Variants in FARP1 observed in about 807,000 individuals in gnomAD.
FARP1 encodes the protein FERM, ARHGEF and pleckstrin domain-containing protein 1.
In FARP1, 52 loss-of-function variants were observed where a neutral mutation model predicts 128.8. The observed-to-expected ratio is 0.40, with a 90% CI of 0.32 to 0.51. FARP1 has a LOEUF of 0.51. Among genes scored for constraint, FARP1 ranks in the 20% least tolerant of loss-of-function variants. FARP1 has a pLI of 0.45. For synonymous variants in FARP1, 580 were observed against 551.8 expected (o/e 1.05, Z -0.72); for missense variants, 1,333 against 1,367.9 (o/e 0.97, Z 0.40).
chr13:98,424,771 C>A, intron 17 of FARP1, 121 bp downstream of exon 17: 1 of 716,982 alleles, frequency 1.4e-6, no homozygotes, highest in Non-Finnish European at 2.5e-6. Flanking sequence ...CTCTCTACAC[C>A]AAGCTTGTCC....
intron 5 of FARP1, among the ~76,000 whole-genome samples, chr13:98,372,328 G>T (rs1351942489): frequency 6.6e-6 from 1 of 152,190 alleles, no homozygotes; most frequent in Admixed American, 6.5e-5. Context: ...CTCATGATCT[G>T]CCTGTCTTGG....
chr13:98,452,053 A>C lies in FARP1; in HGVS notation c.*3736A>C, dbSNP rs114541728. On this transcript the variant is annotated 3_prime_UTR_variant, in exon 27 of 27. Transcript: ENST00000319562. The stretch of plus-strand genomic sequence containing the variant: ...TGGGGACTTCTCCCTGGAGTCTTCC[A>C]AAGTGTCTCATCACACACACACAGC... The C allele has an allele frequency of 5.1e-4, 77 of 152,388 alleles. No individual in the cohort carries two copies. Among genetic ancestry groups the C allele is most frequent in the African/African-American group, 1.8e-3 (74 of 41,584 alleles). 9.4% of individuals were successfully genotyped at this position (152,388 alleles called of 1,614,324 possible). A position where few individuals can be genotyped will look rare whatever the true frequency, so the allele number is the denominator to read the frequency against.
chr13:98,420,764 G>A (rs1376475660), intron 16 of FARP1, among the ~76,000 whole-genome samples: 2 of 152,232 alleles, frequency 1.3e-5, no homozygotes, highest in African/African-American at 4.8e-5. Flanking sequence ...AACATCCAGA[G>A]GACGTGGTGG....
intron 19 of FARP1, among the ~76,000 whole-genome samples, chr13:98,438,251 T>C (rs550623303): frequency 2.0e-5 from 3 of 152,200 alleles, no homozygotes; most frequent in African/African-American, 7.2e-5. Context: ...TACTGCTCAT[T>C]GAGAAGCAGG....
chr13:98,337,900 A>G (rs919011599), intron 2 of FARP1, among the ~76,000 whole-genome samples: 4 of 152,176 alleles, frequency 2.6e-5, no homozygotes, highest in African/African-American at 7.2e-5. Flanking sequence ...AATATTAGCA[A>G]TTATTTAGTG....
intron 2 of FARP1, among the ~76,000 whole-genome samples, chr13:98,220,229 T>A (rs1881336690): frequency 6.6e-6 from 1 of 152,088 alleles, no homozygotes; most frequent in Admixed American, 6.6e-5. Flanking sequence ...AGGAAGGTGT[T>A]TAGATCCCAG....
Position 98,448,424 on chromosome 13 carries a change from CAT to C in FARP1, c.*108_*109del. ...TTAACACCTGTCTGAAAATCAAAAA[CAT>C]GGCTTCCCAGCAGCTCTCCTGTCTC... is the stretch of plus-strand genomic sequence containing the variant. On this transcript the variant is annotated 3_prime_UTR_variant, in exon 27 of 27. Coordinates refer to ENST00000319562, the MANE Select transcript of FARP1 (RefSeq NM_005766.4). 1 of 915,412 alleles carries C rather than the reference CAT, an allele frequency of 1.1e-6. No homozygotes were observed. Among genetic ancestry groups the C allele is most frequent in the South Asian group, 1.4e-5 (1 of 69,292 alleles). 56.7% of individuals were successfully genotyped at this position (915,412 alleles called of 1,614,324 possible). A position where few individuals can be genotyped will look rare whatever the true frequency, so the allele number is the denominator to read the frequency against.
At chr13:98,181,292 C>T (rs1430454303) in intron 1 of FARP1, among the ~76,000 whole-genome samples, 3 of 152,082 alleles carry the variant, frequency 2.0e-5, no homozygotes, top group Non-Finnish European at 4.4e-5. Context: ...TACATCCTGG[C>T]GCTGTGACCG....
chr13:98,286,479 C>T (rs1346388586), intron 2 of FARP1, among the ~76,000 whole-genome samples: 10 of 152,150 alleles, frequency 6.6e-5, no homozygotes, highest in Admixed American at 1.3e-4. Flanking sequence ...AAGTCTCACA[C>T]GTTCTGATGG....
intron 2 of FARP1, among the ~76,000 whole-genome samples, chr13:98,256,948 G>GAGATAT (rs1555331690): frequency 1.3e-5 from 1 of 77,096 alleles, no homozygotes; most frequent in East Asian, 4.2e-4. Flanking sequence ...TATATATGTG[G>GAGATAT]ATATATATAT....
At position 98,453,323 on chromosome 13, in the gene FARP1, A is replaced by G. The variant is rs1271826670; in HGVS notation, c.*5006A>G. On this transcript the variant is annotated 3_prime_UTR_variant, in exon 27 of 27. Coordinates refer to ENST00000319562, the MANE Select transcript of FARP1 (RefSeq NM_005766.4). The stretch of plus-strand genomic sequence containing the variant: ...ATAAGAAATTCCAAGTCATACAAAA[A>G]TAAGTGGAGCAAATATCAATGTGTA... 1 of 1,060,536 alleles carries G rather than the reference A, an allele frequency of 9.4e-7. No individual in the cohort carries two copies. Among genetic ancestry groups the G allele is most frequent in the South Asian group, 1.4e-5 (1 of 70,548 alleles). The allele number at this position is 1,060,536 out of a possible 1,614,324, so 65.7% of individuals were successfully genotyped here. A position where few individuals can be genotyped will look rare whatever the true frequency, so the allele number is the denominator to read the frequency against.
intron 3 of FARP1, among the ~76,000 whole-genome samples, chr13:98,363,292 C>T (rs1411773867): frequency 6.6e-6 from 1 of 152,196 alleles, no homozygotes; most frequent in African/African-American, 2.4e-5. Flanking sequence ...TCTTTCTTCC[C>T]TTTGAGATCT....
intron 1 of FARP1, among the ~76,000 whole-genome samples, chr13:98,210,602 T>C (rs191859645): frequency 0.012 from 1,740 of 150,920 alleles, 35 homozygotes; most frequent in African/African-American, 0.039. Context: ...CAGGCTGGAG[T>C]GCGGTGGCGC....
intron 2 of FARP1, among the ~76,000 whole-genome samples, chr13:98,326,105 C>A (rs575280007): frequency 1.3e-5 from 2 of 152,172 alleles, no homozygotes; most frequent in African/African-American, 4.8e-5. Flanking sequence ...CAAATGGCTT[C>A]GTCTGCTTGG....
rs534550796 is a variant in FARP1 at position 98,163,563 on chromosome 13, A to C, written c.-24+20071A>C. On this transcript the variant is annotated intron_variant, in intron 1 of 26. Coordinates refer to ENST00000319562, the MANE Select transcript of FARP1 (RefSeq NM_005766.4). ...TGGTGTTTTTTTTTTTTGAGATGGG[A>C]TCTCACTCTGTCACCCGGGCTGGAG... Among the ~76,000 whole-genome samples the C allele has an allele frequency of 1.0e-4, 15 of 149,206 alleles. No individual in the cohort carries two copies. The South Asian group carries it at 3.2e-3, about 32-fold the overall frequency.
At chr13:98,219,502 A>ATTTATT (rs1378222619) in intron 2 of FARP1, among the ~76,000 whole-genome samples, 1 of 151,586 alleles carries the variant, frequency 6.6e-6, no homozygotes, top group Non-Finnish European at 1.5e-5. Flanking sequence ...CACCGGGCTA[A>ATTTATT]TTTATTTTTA....
intron 2 of FARP1, among the ~76,000 whole-genome samples, chr13:98,312,026 AG>A (rs1443954503): frequency 2.7e-5 from 4 of 147,562 alleles, no homozygotes; most frequent in African/African-American, 7.5e-5. Flanking sequence ...GTATTTTTTT[AG>A]GTAGAGACAG....
intron 25 of FARP1, 154 bp downstream of exon 25, chr13:98,446,359 G>A (rs1594551718): frequency 3.3e-6 from 2 of 614,284 alleles, no homozygotes; most frequent in East Asian, 5.5e-5. Flanking sequence ...TCCACCCGAG[G>A]CCCTCAACTC....
At chr13:98,186,114 T>G (rs1180223126) in intron 1 of FARP1, among the ~76,000 whole-genome samples, 2 of 152,180 alleles carry the variant, frequency 1.3e-5, no homozygotes, top group Admixed American at 6.5e-5. Flanking sequence ...TCTTTTCTTT[T>G]TTTTTGAAAC....
Sources: gnomAD v4.1 joint callset for allele counts (sites outside exome capture counted in the v4.1 genomes callset) on GRCh38, gnomAD v4.1.1 for gene constraint, MANE v1.5 for transcripts, NCBI Gene and HGNC (gene_info 2026-07-23, HGNC 2026-07-21) for gene names.